Variants in ASTN2 observed in about 807,000 individuals in gnomAD.
ASTN2 encodes the protein astrotactin 2.
Under a neutral mutation model 139.8 loss-of-function variants are expected in ASTN2, and 54 were observed. The ratio of observed to expected loss-of-function variants is 0.39; its 90% CI spans 0.31 to 0.48. The LOEUF (loss-of-function observed/expected upper bound fraction) is 0.48. Ranked by LOEUF, ASTN2 falls within the 20% of genes least tolerant of loss-of-function variation. The pLI, the probability that ASTN2 is intolerant of heterozygous loss-of-function variation, is 0.95. For missense variants in ASTN2, 1,565 were observed against 1,725.1 expected (o/e 0.91, Z 1.64); for synonymous variants, 756 against 719.5 (o/e 1.05, Z -0.81).
intron 2 of ASTN2, among the ~76,000 whole-genome samples, chr9:117,265,452 G>A (rs1833919321): frequency 6.6e-6 from 1 of 152,150 alleles, no homozygotes; most frequent in Non-Finnish European, 1.5e-5. Context: ...GGGCAGAGGG[G>A]TACCGAGCTG....
At chr9:117,367,701 C>G (rs1346514757) in intron 1 of ASTN2, among the ~76,000 whole-genome samples, 1 of 152,046 alleles carries the variant, frequency 6.6e-6, no homozygotes, top group Non-Finnish European at 1.5e-5. Flanking sequence ...TTTCTAAACT[C>G]TTGTAATTAT....
chr9:116,908,222 G>T (rs1234907838), intron 10 of ASTN2, among the ~76,000 whole-genome samples: 1 of 152,128 alleles, frequency 6.6e-6, no homozygotes, highest in African/African-American at 2.4e-5. Flanking sequence ...AAGGAGCTTG[G>T]ATAAGACTAA....
intron 10 of ASTN2, among the ~76,000 whole-genome samples, chr9:116,875,184 T>C (rs1452487584): frequency 1.3e-5 from 2 of 150,920 alleles, no homozygotes; most frequent in African/African-American, 4.8e-5. Context: ...TTGCACCAGT[T>C]AGGCAAGATG....
At chr9:116,724,093 C>T (rs1828549539) in intron 16 of ASTN2, among the ~76,000 whole-genome samples, 1 of 152,170 alleles carries the variant, frequency 6.6e-6, no homozygotes, top group Non-Finnish European at 1.5e-5. Flanking sequence ...GATTTAGAAT[C>T]AGAGTAGTGT....
intron 1 of ASTN2, among the ~76,000 whole-genome samples, chr9:117,338,977 A>G (rs1469101865): frequency 6.6e-6 from 1 of 151,998 alleles, no homozygotes; most frequent in Non-Finnish European, 1.5e-5. Flanking sequence ...TATCTAGGGG[A>G]CAGGTAGACA....
intron 17 of ASTN2, among the ~76,000 whole-genome samples, chr9:116,625,671 C>T (rs954250238): frequency 1.3e-5 from 2 of 152,148 alleles, no homozygotes; most frequent in South Asian, 4.1e-4. Context: ...TATGACTCTT[C>T]TCCCATCTCA....
At chr9:116,892,171 A>C (rs1763836983) in intron 10 of ASTN2, among the ~76,000 whole-genome samples, 1 of 152,194 alleles carries the variant, frequency 6.6e-6, no homozygotes, top group African/African-American at 2.4e-5. Context: ...ATTTAAAATC[A>C]CTTATTTATA....
intron 10 of ASTN2, among the ~76,000 whole-genome samples, chr9:116,878,468 C>T (rs1008371757): frequency 6.6e-6 from 1 of 152,144 alleles, no homozygotes; most frequent in African/African-American, 2.4e-5. Context: ...CCAAACACTG[C>T]ATGTTCTCAC....
intron 19 of ASTN2, among the ~76,000 whole-genome samples, chr9:116,600,645 TC>T (rs1854845809): frequency 6.6e-6 from 1 of 152,200 alleles, no homozygotes; most frequent in South Asian, 2.1e-4. Flanking sequence ...GATTTGAAGG[TC>T]CTTCAATCCA....
intron 12 of ASTN2, among the ~76,000 whole-genome samples, chr9:116,813,863 C>T (rs1340002470): frequency 6.6e-6 from 1 of 151,872 alleles, no homozygotes; most frequent in Non-Finnish European, 1.5e-5. Context: ...GGCGAAACCC[C>T]ATCTCTACTA....
chr9:116,594,714 G>A (rs1345216994), intron 19 of ASTN2, among the ~76,000 whole-genome samples: 1 of 152,126 alleles, frequency 6.6e-6, no homozygotes, highest in Non-Finnish European at 1.5e-5. Context: ...ACCTTCCTAA[G>A]GCATGATTCA....
intron 2 of ASTN2, among the ~76,000 whole-genome samples, chr9:117,281,479 G>T (rs1834322813): frequency 6.6e-6 from 1 of 152,160 alleles, no homozygotes; most frequent in South Asian, 2.1e-4. Context: ...CCAAATCAAA[G>T]CTCACTTTCC....
At chr9:116,506,694 C>A (rs1850125540) in intron 19 of ASTN2, among the ~76,000 whole-genome samples, 1 of 152,158 alleles carries the variant, frequency 6.6e-6, no homozygotes, top group Non-Finnish European at 1.5e-5. Flanking sequence ...CCCAAAAAGT[C>A]AGGCAGGAGA....
chr9:116,861,192 A>G (rs1390173145), intron 11 of ASTN2, among the ~76,000 whole-genome samples: 8 of 149,762 alleles, frequency 5.3e-5, no homozygotes, highest in Non-Finnish European at 1.2e-4. Flanking sequence ...TGAATAAAAG[A>G]CAAAGAGAGA....
intron 5 of ASTN2, among the ~76,000 whole-genome samples, chr9:117,077,950 C>T (rs1828323958): frequency 6.6e-6 from 1 of 152,172 alleles, no homozygotes. Flanking sequence ...TGGAAGCAGA[C>T]AAGAACTCTG....
intron 3 of ASTN2, among the ~76,000 whole-genome samples, chr9:117,191,486 G>A (rs1250431484): frequency 6.6e-6 from 1 of 152,174 alleles, no homozygotes; most frequent in Non-Finnish European, 1.5e-5. Flanking sequence ...TCACTAATGA[G>A]CATGCATAAC....
chr9:117,086,014 C>A (rs1290155471), intron 5 of ASTN2, among the ~76,000 whole-genome samples: 1 of 152,186 alleles, frequency 6.6e-6, no homozygotes, highest in African/African-American at 2.4e-5. Flanking sequence ...ATAATCCCTT[C>A]TCCTGGTATT....
intron 1 of ASTN2, among the ~76,000 whole-genome samples, chr9:117,339,828 C>T (rs1462219374): frequency 6.6e-6 from 1 of 151,144 alleles, no homozygotes; most frequent in East Asian, 2.0e-4. Context: ...GCAAGAGACT[C>T]TCTGAGGACC....
intron 5 of ASTN2, among the ~76,000 whole-genome samples, chr9:117,070,829 C>T (rs1303404228): frequency 1.1e-3 from 167 of 151,634 alleles, no homozygotes; most frequent in African/African-American, 3.8e-3. Flanking sequence ...GCATTCTTCA[C>T]GTAGCTCTCG....
Sources: allele counts gnomAD v4.1 joint callset (sites outside exome capture counted in the v4.1 genomes callset), GRCh38; gene constraint gnomAD v4.1.1; transcripts MANE v1.5; gene names NCBI Gene and HGNC (gene_info 2026-07-23, HGNC 2026-07-21).